The following LRRC4C variants were observed in gnomAD, a reference collection of about 807,000 sequenced individuals.
The protein encoded by LRRC4C is leucine rich repeat containing 4C.
A neutral mutation model predicts 33.6 loss-of-function variants in LRRC4C; 5 were observed. The observed-to-expected ratio is 0.15, with a 90% CI of 0.08 to 0.31. LRRC4C has a LOEUF of 0.31. Among genes scored for constraint, LRRC4C ranks in the 10% least tolerant of loss-of-function variants. LRRC4C has a pLI of 1.00. For missense variants in LRRC4C, 560 were observed against 796.7 expected (o/e 0.70, Z 3.58); for synonymous variants, 329 against 302.0 (o/e 1.09, Z -0.93).
At chr11:41,160,553 C>T (rs372577443) in intron 1 of LRRC4C, among the ~76,000 whole-genome samples, 1 of 152,028 alleles carries the variant, frequency 6.6e-6, no homozygotes, top group African/African-American at 2.4e-5. Flanking sequence ...TGCATACAAA[C>T]AGGGATACAT....
At chr11:40,590,914 G>A (rs888326808) in intron 3 of LRRC4C, among the ~76,000 whole-genome samples, 2 of 152,230 alleles carry the variant, frequency 1.3e-5, no homozygotes, top group Admixed American at 6.5e-5. Flanking sequence ...GTCTGCAGAA[G>A]TTACTGCTGT....
intron 5 of LRRC4C, among the ~76,000 whole-genome samples, chr11:40,240,561 T>C (rs1032625714): frequency 1.3e-5 from 2 of 152,170 alleles, no homozygotes; most frequent in Non-Finnish European, 2.9e-5. Context: ...ATGCACACTC[T>C]TGATGAAAGC....
intron 3 of LRRC4C, among the ~76,000 whole-genome samples, chr11:40,388,392 C>T (rs1225145161): frequency 1.3e-5 from 2 of 152,122 alleles, no homozygotes; most frequent in Non-Finnish European, 2.9e-5. Context: ...GGGCCAGCCA[C>T]AAAAACTATT....
chr11:40,385,332 T>A (rs187754749), intron 3 of LRRC4C, among the ~76,000 whole-genome samples: 292 of 152,314 alleles, frequency 1.9e-3, no homozygotes, highest in Non-Finnish European at 3.6e-3. Flanking sequence ...TAGAGAAAAC[T>A]TTTTTCATCT....
chr11:40,644,373 A>G (rs969916246), intron 3 of LRRC4C, among the ~76,000 whole-genome samples: 1 of 152,232 alleles, frequency 6.6e-6, no homozygotes. Flanking sequence ...GTTAATTTTA[A>G]AAACTAATTA....
chr11:41,087,892 T>A (rs1025998843), intron 1 of LRRC4C, among the ~76,000 whole-genome samples: 1 of 152,176 alleles, frequency 6.6e-6, no homozygotes, highest in Non-Finnish European at 1.5e-5. Flanking sequence ...ATCAATTATT[T>A]GACTATATAA....
intron 1 of LRRC4C, among the ~76,000 whole-genome samples, chr11:41,177,527 T>C (rs1375714008): frequency 3.9e-5 from 6 of 152,168 alleles, no homozygotes; most frequent in Non-Finnish European, 4.4e-5. Context: ...CTCACCTATC[T>C]GCCTATGTGC....
chr11:40,398,611 G>T (rs1157237932), intron 3 of LRRC4C, among the ~76,000 whole-genome samples: 1 of 151,944 alleles, frequency 6.6e-6, no homozygotes, highest in Non-Finnish European at 1.5e-5. Context: ...TTTCCATAAT[G>T]ATATATTACA....
intron 3 of LRRC4C, among the ~76,000 whole-genome samples, chr11:40,563,719 T>A (rs57832729): frequency 1.3e-5 from 2 of 152,192 alleles, no homozygotes; most frequent in Non-Finnish European, 2.9e-5. Flanking sequence ...AACCTTGAAA[T>A]CTGAAACACG....
intron 1 of LRRC4C, among the ~76,000 whole-genome samples, chr11:41,117,108 C>T (rs1942173216): frequency 1.3e-5 from 2 of 152,112 alleles, no homozygotes; most frequent in Admixed American, 1.3e-4. Flanking sequence ...AAACTTGCGG[C>T]CCAGGGACTC....
At chr11:41,395,859 A>G (rs1953788190) in intron 1 of LRRC4C, among the ~76,000 whole-genome samples, 1 of 152,028 alleles carries the variant, frequency 6.6e-6, no homozygotes, top group South Asian at 2.1e-4. Context: ...ACCAAAAAGT[A>G]CTGCACTTTT....
At chr11:40,733,420 A>G (rs2136815869) in intron 2 of LRRC4C, among the ~76,000 whole-genome samples, 1 of 152,254 alleles carries the variant, frequency 6.6e-6, no homozygotes, top group South Asian at 2.1e-4. Flanking sequence ...ATATCTTTAT[A>G]CAATCCTCAG....
intron 2 of LRRC4C, among the ~76,000 whole-genome samples, chr11:40,908,110 T>G (rs2136239346): frequency 6.6e-6 from 1 of 152,286 alleles, no homozygotes; most frequent in African/African-American, 2.4e-5. Context: ...ATAAATACTC[T>G]GTTGGATGTT....
At chr11:41,406,800 T>G (rs1336866061) in intron 1 of LRRC4C, among the ~76,000 whole-genome samples, 1 of 151,514 alleles carries the variant, frequency 6.6e-6, no homozygotes, top group African/African-American at 2.4e-5. Context: ...TAGTAGTATC[T>G]AAAAGTAAGG....
chr11:40,542,457 A>T (rs11035911), intron 3 of LRRC4C, among the ~76,000 whole-genome samples: 13,542 of 152,098 alleles, frequency 0.089, 1,724 homozygotes, highest in African/African-American at 0.28. Flanking sequence ...TATGATTTAT[A>T]TTTTTTGATT....
intron 3 of LRRC4C, among the ~76,000 whole-genome samples, chr11:40,602,467 T>C (rs2135816866): frequency 6.6e-6 from 1 of 152,196 alleles, no homozygotes; most frequent in Non-Finnish European, 1.5e-5. Context: ...GGGTATATTT[T>C]TAGACACATA....
intron 1 of LRRC4C, among the ~76,000 whole-genome samples, chr11:41,021,527 G>A (rs1855984645): frequency 6.6e-6 from 1 of 151,988 alleles, no homozygotes; most frequent in Admixed American, 6.6e-5. Context: ...GTTGATAAGA[G>A]GTTAATACAC....
chr11:41,355,811 CA>C (rs906545135), intron 1 of LRRC4C, among the ~76,000 whole-genome samples: 7 of 151,970 alleles, frequency 4.6e-5, no homozygotes, highest in African/African-American at 1.7e-4. Context: ...TTTAAAGAAT[CA>C]TAGTAGAATA....
At chr11:40,745,472 C>T (rs10742554) in intron 2 of LRRC4C, among the ~76,000 whole-genome samples, 118,469 of 152,086 alleles carry the variant, frequency 0.78, 46,279 homozygotes, top group Middle Eastern at 0.84. Flanking sequence ...TTAAAATAAA[C>T]TGATAATTGC....
Sources: allele counts gnomAD v4.1 joint callset (sites outside exome capture counted in the v4.1 genomes callset), GRCh38; gene constraint gnomAD v4.1.1; transcripts MANE v1.5; gene names NCBI Gene and HGNC (gene_info 2026-07-23, HGNC 2026-07-21).